Variants in WIF1 observed in about 807,000 individuals in gnomAD.
WIF1 encodes Wnt inhibitory factor 1.
In WIF1, 35 loss-of-function variants were observed where a neutral mutation model predicts 53.5. The observed-to-expected ratio is 0.65, with a 90% confidence interval of 0.50 to 0.87. The LOEUF is 0.87. WIF1 is among the 40% of genes least tolerant of loss of function. The probability of loss-of-function intolerance (pLI) is 0.00; values close to 1 mark genes in which losing one functional copy is unlikely to be tolerated. For synonymous variants in WIF1, 171 were observed against 170.4 expected (o/e 1.00, Z -0.03); for missense variants, 467 against 476.8 (o/e 0.98, Z 0.19).
At chr12:65,069,414 G>A (rs1882738623) in intron 3 of WIF1, among the ~76,000 whole-genome samples, 2 of 152,110 alleles carry the variant, frequency 1.3e-5, no homozygotes, top group Non-Finnish European at 2.9e-5. Context: ...TACCCCACTG[G>A]TTTATGTTTA....
In WIF1 at chr12:65,118,798, C is replaced by G. The variant is rs541071712; in HGVS notation, c.288+1619G>C. Among the ~76,000 whole-genome samples the G allele has an allele frequency of 3.9e-5, 6 of 152,144 alleles. No homozygotes were observed. The East Asian group carries it at 7.7e-4, about 20-fold the overall frequency. On this transcript the variant is annotated intron_variant, in intron 2 of 9. Coordinates refer to ENST00000286574, the MANE Select transcript of WIF1 (RefSeq NM_007191.5). Reference sequence around the variant, plus strand: ...GGATAAAAGCAACATGGAATTTAAGCCTTTGCTTCAAATTCTATTCTTCAA... The same window carrying G: ...GGATAAAAGCAACATGGAATTTAAGGCTTTGCTTCAAATTCTATTCTTCAA...
intron 2 of WIF1, among the ~76,000 whole-genome samples, chr12:65,082,205 A>G (rs1882960791): frequency 6.6e-6 from 1 of 152,128 alleles, no homozygotes; most frequent in Non-Finnish European, 1.5e-5. Context: ...GGAAAAACTT[A>G]TTTGAGAGCA....
intron 2 of WIF1, among the ~76,000 whole-genome samples, chr12:65,100,600 C>T (rs1883268352): frequency 6.6e-6 from 1 of 152,148 alleles, no homozygotes; most frequent in African/African-American, 2.4e-5. Context: ...AGAAATTCCA[C>T]TTCTGGAACT....
intron 2 of WIF1, among the ~76,000 whole-genome samples, chr12:65,118,336 C>T (rs1883543185): frequency 6.6e-6 from 1 of 152,140 alleles, no homozygotes; most frequent in Admixed American, 6.5e-5. Flanking sequence ...CTGTGCATTT[C>T]AAAAATTATG....
chr12:65,056,150 A>G (rs760168474), intron 7 of WIF1, 24 bp from the exon 8 acceptor site: 6 of 1,605,686 alleles, frequency 3.7e-6, no homozygotes, highest in Non-Finnish European at 5.1e-6. Context: ...GAATGCAGCT[A>G]AACAAGGAAC....
chr12:65,053,162 C>T (rs1351115512), intron 9 of WIF1, among the ~76,000 whole-genome samples: 1 of 152,130 alleles, frequency 6.6e-6, no homozygotes, highest in African/African-American at 2.4e-5. Context: ...TCAGTATGTC[C>T]TAGCAGGGAT....
At chr12:65,096,669 T>C (rs1234284470) in intron 2 of WIF1, among the ~76,000 whole-genome samples, 2 of 152,114 alleles carry the variant, frequency 1.3e-5, no homozygotes, top group Admixed American at 6.5e-5. Context: ...ATATACACCA[T>C]AGAATGCTAT....
chr12:65,062,440 G>A (rs751095571), intron 7 of WIF1, 41 bp downstream of exon 7: 5 of 1,529,156 alleles, frequency 3.3e-6, no homozygotes, highest in Non-Finnish European at 3.6e-6. Flanking sequence ...GGGTTTCTAA[G>A]GTCTCCCCAA....
intron 2 of WIF1, among the ~76,000 whole-genome samples, chr12:65,112,010 A>G (rs377666274): frequency 4.1e-5 from 5 of 122,622 alleles, no homozygotes; most frequent in African/African-American, 1.3e-4. Context: ...ACAGACATCC[A>G]TATGTCTAGC....
At chr12:65,066,832 C>A in intron 5 of WIF1, 96 bp from the exon 6 acceptor site, 2 of 764,600 alleles carry the variant, frequency 2.6e-6, no homozygotes, top group Non-Finnish European at 1.9e-6. Flanking sequence ...CATTTTCAAG[C>A]TTTGTGGTTG....
chr12:65,054,043 G>A (rs1211577098), intron 9 of WIF1: 2 of 146,558 alleles, frequency 1.4e-5, no homozygotes, highest in African/African-American at 5.0e-5. Context: ...ACATAATATG[G>A]TAGACACAAC....
At chr12:65,106,665 C>G (rs1021118183) in intron 2 of WIF1, among the ~76,000 whole-genome samples, 1 of 152,140 alleles carries the variant, frequency 6.6e-6, no homozygotes, top group Non-Finnish European at 1.5e-5. Context: ...TTTTTAAACC[C>G]CAACTTAATG....
chr12:65,117,299 T>C (rs1384776206), intron 2 of WIF1, among the ~76,000 whole-genome samples: 1 of 152,226 alleles, frequency 6.6e-6, no homozygotes, highest in Non-Finnish European at 1.5e-5. Context: ...CAAAAAGGTT[T>C]ACATGCACAT....
At chr12:65,119,184 A>G (rs1187105441) in intron 2 of WIF1, among the ~76,000 whole-genome samples, 5 of 152,216 alleles carry the variant, frequency 3.3e-5, no homozygotes, top group Non-Finnish European at 7.3e-5. Context: ...ATTGTTTATG[A>G]AGTATCTATG....
intron 2 of WIF1, among the ~76,000 whole-genome samples, chr12:65,082,881 C>G (rs1592395023): frequency 6.6e-6 from 1 of 152,262 alleles, no homozygotes; most frequent in East Asian, 1.9e-4. Context: ...AGTTAAGAAT[C>G]AAAGATCTTT....
At position 65,068,751 on chromosome 12, in the gene WIF1, C is replaced by T. The variant is rs1882726908; in HGVS notation, c.538+13G>A. ...TACAACATGTCTTCTCTTGAATCAC[C>T]ATCGGTGCTTACCTTGTTGACATGT... On this transcript the variant is annotated intron_variant, in intron 4 of 9. Coordinates refer to ENST00000286574, the MANE Select transcript of WIF1 (RefSeq NM_007191.5). 2 of 1,610,702 alleles carry T rather than the reference C, an allele frequency of 1.2e-6. No individual in the cohort carries two copies. Among genetic ancestry groups the T allele is most frequent in the Non-Finnish European group, 1.7e-6 (2 of 1,178,572 alleles).
At chr12:65,056,240 T>C (rs1473313524) in intron 7 of WIF1, 114 bp from the exon 8 acceptor site, 7 of 896,092 alleles carry the variant, frequency 7.8e-6, no homozygotes, top group Non-Finnish European at 1.2e-5. Context: ...TAAATGGCAA[T>C]TTTCATTTAT....
chr12:65,070,975 C>T (rs933144284), intron 3 of WIF1, among the ~76,000 whole-genome samples: 1 of 152,044 alleles, frequency 6.6e-6, no homozygotes, highest in African/African-American at 2.4e-5. Context: ...CAGGCTCACT[C>T]CTGTAATCCC....
At chr12:65,052,869 G>T (rs1882462106) in intron 9 of WIF1, among the ~76,000 whole-genome samples, 1 of 152,188 alleles carries the variant, frequency 6.6e-6, no homozygotes, top group Admixed American at 6.5e-5. Flanking sequence ...TGGAAGAATG[G>T]CTGGGTGCAT....
Sources: gnomAD v4.1 joint callset for allele counts (sites outside exome capture counted in the v4.1 genomes callset) on GRCh38, gnomAD v4.1.1 for gene constraint, MANE v1.5 for transcripts, NCBI Gene and HGNC (gene_info 2026-07-23, HGNC 2026-07-21) for gene names.